Variants in C12orf42 observed in about 807,000 individuals in gnomAD.
C12orf42 encodes uncharacterized protein C12orf42.
C12orf42 carries 25 observed loss-of-function variants against 21.6 expected under a neutral mutation model. The ratio of observed to expected loss-of-function variants is 1.16; its 90% CI spans 0.84 to 1.62. The LOEUF (loss-of-function observed/expected upper bound fraction) is 1.62, where lower values mean the gene tolerates loss of function less well. C12orf42 is among the 40% of genes most tolerant of loss of function. The probability of loss-of-function intolerance (pLI) is 0.00; values close to 1 mark genes in which losing one functional copy is unlikely to be tolerated. For synonymous variants in C12orf42, 174 were observed against 175.0 expected (o/e 0.99, Z 0.05); for missense variants, 483 against 459.3 (o/e 1.05, Z -0.47).
the C12orf42 span, among the ~76,000 whole-genome samples, chr12:103,532,001 C>G: frequency 1.3e-5 from 2 of 152,124 alleles, no homozygotes; most frequent in African/African-American, 4.8e-5. Context: ...TCTGTAAAAC[C>G]TTAACATGTC....
the C12orf42 span, chr12:103,168,093 C>T: frequency 2.2e-6 from 1 of 455,762 alleles, no homozygotes. Flanking sequence ...TACTTTTATT[C>T]ACCACAATGG....
the C12orf42 span, among the ~76,000 whole-genome samples, chr12:103,126,844 G>C: frequency 6.6e-6 from 1 of 152,156 alleles, no homozygotes; most frequent in African/African-American, 2.4e-5. Context: ...CAGATAAGGA[G>C]ACATCACTAT....
the C12orf42 span, among the ~76,000 whole-genome samples, chr12:103,096,977 C>A: frequency 2.0e-5 from 3 of 152,138 alleles, no homozygotes; most frequent in Non-Finnish European, 2.9e-5. Context: ...TGTTGATAGG[C>A]AAACAATCAC....
the C12orf42 span, among the ~76,000 whole-genome samples, chr12:103,197,863 G>A: frequency 6.6e-6 from 1 of 152,194 alleles, no homozygotes; most frequent in Non-Finnish European, 1.5e-5. Flanking sequence ...GCTGCATGCT[G>A]TAATTGTAGG....
intron 4 of C12orf42, among the ~76,000 whole-genome samples, chr12:103,360,621 G>T (rs1242353343): frequency 6.6e-6 from 1 of 152,020 alleles, no homozygotes; most frequent in Non-Finnish European, 1.5e-5. Flanking sequence ...AGTGATAGTG[G>T]CAATTATTTT....
upstream of C12orf42, among the ~76,000 whole-genome samples, chr12:103,496,386 G>C (rs866555259): frequency 3.9e-5 from 6 of 152,190 alleles, no homozygotes; most frequent in South Asian, 2.1e-4. Flanking sequence ...CAAGGCTGTA[G>C]ATGGGGACAG....
the C12orf42 span, among the ~76,000 whole-genome samples, chr12:103,506,849 A>G: frequency 1.5e-5 from 1 of 66,566 alleles, no homozygotes; most frequent in Admixed American, 2.5e-4. Flanking sequence ...ATATATATAT[A>G]TTTATATATT....
chr12:103,266,495 C>A (rs1367443931), downstream of C12orf42, among the ~76,000 whole-genome samples: 1 of 151,932 alleles, frequency 6.6e-6, no homozygotes, highest in East Asian at 1.9e-4. Flanking sequence ...TATTTGTACC[C>A]CTTGTGGTTT....
the C12orf42 span, among the ~76,000 whole-genome samples, chr12:103,551,230 C>T: frequency 6.6e-6 from 1 of 152,046 alleles, no homozygotes; most frequent in South Asian, 2.1e-4. Context: ...TGATTCAATA[C>T]CATGTATCTT....
the C12orf42 span, among the ~76,000 whole-genome samples, chr12:103,107,697 A>G: frequency 6.6e-6 from 1 of 151,802 alleles, no homozygotes; most frequent in African/African-American, 2.4e-5. Flanking sequence ...GAAATTAGGA[A>G]ATGAATAACA....
chr12:103,327,343 A>C (rs528533785), intron 4 of C12orf42, among the ~76,000 whole-genome samples: 45 of 152,342 alleles, frequency 3.0e-4, no homozygotes, highest in African/African-American at 1.0e-3. Context: ...AAAACTATAT[A>C]GGAAACCAAG....
At chr12:103,403,091 A>C (rs892488512) in intron 2 of C12orf42, among the ~76,000 whole-genome samples, 2 of 152,124 alleles carry the variant, frequency 1.3e-5, no homozygotes, top group African/African-American at 4.8e-5. Context: ...TAAAGAATGC[A>C]GGGGCCAGGC....
chr12:103,322,114 C>CGCGCGCGCGCGCGCGT, intron 4 of C12orf42, among the ~76,000 whole-genome samples: 1 of 93,170 alleles, frequency 1.1e-5, no homozygotes, highest in Non-Finnish European at 2.0e-5. Flanking sequence ...CGCGTGCGTG[C>CGCGCGCGCGCGCGCGT]GCGCGCGCGC....
chr12:103,232,329 CTT>C, the C12orf42 span, among the ~76,000 whole-genome samples: 1 of 152,126 alleles, frequency 6.6e-6, no homozygotes, highest in East Asian at 1.9e-4. Context: ...CTCACCGACT[CTT>C]TCTTTTATGG....
chr12:103,100,990 A>G, the C12orf42 span, among the ~76,000 whole-genome samples: 1 of 152,094 alleles, frequency 6.6e-6, no homozygotes, highest in Non-Finnish European at 1.5e-5. Flanking sequence ...AGAGTGAGAG[A>G]CTTTGATTTA....
chr12:103,529,006 G>T, the C12orf42 span, among the ~76,000 whole-genome samples: 1 of 152,006 alleles, frequency 6.6e-6, no homozygotes, highest in African/African-American at 2.4e-5. Context: ...AACCCATGTT[G>T]TTTCTACCAT....
chr12:103,500,277 C>T (rs1322625017), upstream of C12orf42, among the ~76,000 whole-genome samples: 4 of 152,192 alleles, frequency 2.6e-5, no homozygotes, highest in Non-Finnish European at 5.9e-5. Context: ...ATCTAATACC[C>T]CTTTCATTTA....
intron 4 of C12orf42, among the ~76,000 whole-genome samples, chr12:103,309,532 T>C (rs1156309248): frequency 1.3e-5 from 2 of 152,130 alleles, no homozygotes; most frequent in Non-Finnish European, 1.5e-5. Context: ...AAAAATTATA[T>C]GCAGATTTTC....
chr12:103,358,722 T>C (rs1747802718), intron 4 of C12orf42, among the ~76,000 whole-genome samples: 1 of 152,084 alleles, frequency 6.6e-6, no homozygotes, highest in Admixed American at 6.6e-5. Flanking sequence ...AAAAATTGTC[T>C]CCATCCTTCA....
Sources: allele counts gnomAD v4.1 joint callset (sites outside exome capture counted in the v4.1 genomes callset), GRCh38; gene constraint gnomAD v4.1.1; transcripts MANE v1.5; gene names NCBI Gene and HGNC (gene_info 2026-07-23, HGNC 2026-07-21).